The following NPIPA1 variants were observed in gnomAD, a reference collection of about 807,000 sequenced individuals.
NPIPA1 encodes the protein nuclear pore complex interacting protein family member A1.
For missense variants in NPIPA1, 22 were observed against 232.2 expected (o/e 0.09, Z 5.88); for synonymous variants, 7 against 88.0 (o/e 0.08, Z 5.15).
chr16:14,942,708 A>G (rs1487852876), intron 2 of NPIPA1, among the ~76,000 whole-genome samples: 1 of 152,224 alleles, frequency 6.6e-6, no homozygotes, highest in East Asian at 1.9e-4. Flanking sequence ...GTAATTTTGA[A>G]TGACATCATT....
chr16:14,943,366 A>AG (rs1965799501), intron 2 of NPIPA1, among the ~76,000 whole-genome samples: 1 of 148,026 alleles, frequency 6.8e-6, no homozygotes, highest in Non-Finnish European at 1.5e-5. Context: ...CATGTTGGCC[A>AG]GGCTAGTCTC....
chr16:14,942,732 C>G (rs1464011122), intron 2 of NPIPA1, among the ~76,000 whole-genome samples: 1 of 152,246 alleles, frequency 6.6e-6, no homozygotes, highest in African/African-American at 2.4e-5. Flanking sequence ...AGTGCATGTT[C>G]CCACTTGCAA....
chr16:14,946,607 C>T (rs1209426532), intron 4 of NPIPA1, among the ~76,000 whole-genome samples: 1 of 147,244 alleles, frequency 6.8e-6, no homozygotes, highest in South Asian at 2.2e-4. Context: ...TCACTGCAAC[C>T]TCTGCCTCCC....
intron 4 of NPIPA1, among the ~76,000 whole-genome samples, chr16:14,948,194 CTG>C (rs1567576907): frequency 1.3e-5 from 2 of 152,102 alleles, no homozygotes; most frequent in Admixed American, 6.6e-5. Flanking sequence ...CCCTCAATCT[CTG>C]TGAACTGAAC....
chr16:14,944,884 G>C (rs1353146205), intron 2 of NPIPA1, among the ~76,000 whole-genome samples: 2 of 151,450 alleles, frequency 1.3e-5, no homozygotes, highest in Non-Finnish European at 2.9e-5. Context: ...GATTACAGGC[G>C]TGAGCTACCG....
intron 1 of NPIPA1, chr16:14,941,384 G>A (rs1432127391): frequency 6.7e-5 from 11 of 163,664 alleles, no homozygotes; most frequent in South Asian, 2.8e-4. Flanking sequence ...GCAGTGAGCC[G>A]AGATTGCACC....
intron 4 of NPIPA1, among the ~76,000 whole-genome samples, chr16:14,948,144 C>T (rs1203829374): frequency 1.3e-5 from 2 of 151,852 alleles, no homozygotes; most frequent in African/African-American, 4.8e-5. Flanking sequence ...GTGAGGGCAA[C>T]ACAGCAAACT....
At chr16:14,940,096 G>A (rs1434168489) in intron 1 of NPIPA1, among the ~76,000 whole-genome samples, 13 of 101,492 alleles carry the variant, frequency 1.3e-4, no homozygotes, top group Middle Eastern at 4.1e-3. Flanking sequence ...GGGTTTCACC[G>A]TGTTAGCTAG....
intron 4 of NPIPA1, among the ~76,000 whole-genome samples, chr16:14,947,203 G>C (rs1463391417): frequency 1.5e-3 from 234 of 151,984 alleles, no homozygotes; most frequent in African/African-American, 5.3e-3. Flanking sequence ...GCTGCCATAT[G>C]ACTGATCTTT....
chr16:14,943,011 C>T (rs1460128963), intron 2 of NPIPA1, among the ~76,000 whole-genome samples: 6 of 152,266 alleles, frequency 3.9e-5, no homozygotes, highest in South Asian at 2.1e-4. Flanking sequence ...GATAATTACA[C>T]GTCATTTGGC....
At chr16:14,945,227 G>GGTGTGT (rs1555533565) in intron 2 of NPIPA1, among the ~76,000 whole-genome samples, 216 of 137,762 alleles carry the variant, frequency 1.6e-3, no homozygotes, top group South Asian at 2.2e-3. Context: ...ATTCTTGTGT[G>GGTGTGT]GTGTGTGTGT....
intron 1 of NPIPA1, among the ~76,000 whole-genome samples, chr16:14,939,531 C>CA (rs2048529486): frequency 9.9e-6 from 1 of 101,156 alleles, no homozygotes; most frequent in Non-Finnish European, 1.9e-5. Flanking sequence ...GCATGCCATG[C>CA]CATAGGTACT....
At chr16:14,938,651 G>A (rs1436743577) in intron 1 of NPIPA1, among the ~76,000 whole-genome samples, 7 of 143,318 alleles carry the variant, frequency 4.9e-5, no homozygotes, top group Admixed American at 2.8e-4. Flanking sequence ...GCAGTGAGCC[G>A]AGATGGCCCC....
At chr16:14,938,758 A>G (rs1456812073) in intron 1 of NPIPA1, among the ~76,000 whole-genome samples, 1 of 152,058 alleles carries the variant, frequency 6.6e-6, no homozygotes, top group African/African-American at 2.4e-5. Context: ...TTTTTTTTTA[A>G]GACAGAGTCT....
At chr16:14,938,642 C>T (rs1223879514) in intron 1 of NPIPA1, among the ~76,000 whole-genome samples, 1 of 138,914 alleles carries the variant, frequency 7.2e-6, no homozygotes, top group Non-Finnish European at 1.5e-5. Context: ...CTGGACGTTG[C>T]AGTGAGCCGA....
chr16:14,946,520 G>C (rs1211539557), intron 4 of NPIPA1, among the ~76,000 whole-genome samples: 5 of 148,156 alleles, frequency 3.4e-5, no homozygotes, highest in East Asian at 4.2e-4. Context: ...CCACACCCAG[G>C]CTTTTTTTTT....
chr16:14,946,160 T>A (rs372250306), intron 4 of NPIPA1, among the ~76,000 whole-genome samples, 179 bp downstream of exon 4: 1 of 89,924 alleles, frequency 1.1e-5, no homozygotes. Flanking sequence ...CCTTCCTACA[T>A]TCTTGTTTGT....
chr16:14,946,581 A>G (rs1318244750), intron 4 of NPIPA1, among the ~76,000 whole-genome samples: 22 of 141,092 alleles, frequency 1.6e-4, no homozygotes, highest in African/African-American at 4.5e-4. Context: ...CTGGAGTGCT[A>G]TGGTGCAATC....
chr16:14,945,227 G>GTTTTGTGTGTGT (rs748459839), intron 2 of NPIPA1, among the ~76,000 whole-genome samples: 17 of 137,732 alleles, frequency 1.2e-4, no homozygotes, highest in African/African-American at 4.7e-4. Context: ...ATTCTTGTGT[G>GTTTTGTGTGTGT]GTGTGTGTGT....
Sources: allele counts gnomAD v4.1 joint callset (sites outside exome capture counted in the v4.1 genomes callset), GRCh38; gene constraint gnomAD v4.1.1; transcripts MANE v1.5; gene names NCBI Gene and HGNC (gene_info 2026-07-23, HGNC 2026-07-21).